Variants in FLI1 observed in about 807,000 individuals in gnomAD.
The protein encoded by FLI1 is Friend leukemia integration 1 transcription factor.
A neutral mutation model predicts 53.1 loss-of-function variants in FLI1; 13 were observed. The ratio of observed to expected loss-of-function variants is 0.24; its 90% CI spans 0.16 to 0.39. The LOEUF is 0.39. FLI1 is among the 10% of genes least tolerant of loss of function. The pLI is 1.00. For synonymous variants in FLI1, 244 were observed against 236.7 expected, an observed-to-expected ratio of 1.03 and a Z score of -0.28; for missense variants, 424 against 600.5, an observed-to-expected ratio of 0.71 and a Z score of 3.07.
At chr11:128,780,927 G>A (rs765533755) in intron 4 of FLI1, among the ~76,000 whole-genome samples, 2 of 152,194 alleles carry the variant, frequency 1.3e-5, no homozygotes, top group Non-Finnish European at 2.9e-5. Context: ...ATTTCCTTAG[G>A]AGAATCTCAA....
intron 1 of FLI1, chr11:128,686,859 A>G (rs976359266): frequency 1.5e-5 from 3 of 206,628 alleles, no homozygotes; most frequent in African/African-American, 4.6e-5. Flanking sequence ...TCCTGGCCAG[A>G]TGAGAGTGGC....
chr11:128,688,270 G>A (rs1271083189), intron 1 of FLI1, among the ~76,000 whole-genome samples: 2 of 152,240 alleles, frequency 1.3e-5, no homozygotes, highest in Non-Finnish European at 2.9e-5. Context: ...GGGACAAAGC[G>A]GAGGCGAGGA....
At chr11:128,743,107 T>C (rs1024603908) in intron 1 of FLI1, among the ~76,000 whole-genome samples, 1 of 152,060 alleles carries the variant, frequency 6.6e-6, no homozygotes, top group African/African-American at 2.4e-5. Flanking sequence ...CTGGGAGCCA[T>C]CTGGACATGG....
intron 1 of FLI1, among the ~76,000 whole-genome samples, chr11:128,739,106 C>T (rs1940023840): frequency 6.6e-6 from 1 of 152,100 alleles, no homozygotes; most frequent in African/African-American, 2.4e-5. Context: ...CCTGCAAACT[C>T]ACTCTCTGGA....
intron 5 of FLI1, among the ~76,000 whole-genome samples, chr11:128,791,807 C>A (rs1176515989): frequency 1.3e-5 from 2 of 152,192 alleles, no homozygotes; most frequent in Admixed American, 1.3e-4. Flanking sequence ...GAGCAGATTT[C>A]AATCACAAGA....
At chr11:128,729,438 C>G (rs1939608171) in intron 1 of FLI1, among the ~76,000 whole-genome samples, 1 of 152,224 alleles carries the variant, frequency 6.6e-6, no homozygotes, top group South Asian at 2.1e-4. Context: ...GCCTCTGCCA[C>G]TGTGTGTTCA....
chr11:128,693,980 GAGAGAGAGA>G, upstream of FLI1: 1 of 312,864 alleles, frequency 3.2e-6, no homozygotes, highest in Non-Finnish European at 5.9e-6. Context: ...GAGAGAGAGA[GAGAGAGAGA>G]GAGATAGGAC....
At chr11:128,698,787 G>C (rs1565454691) in intron 1 of FLI1, among the ~76,000 whole-genome samples, 2 of 150,152 alleles carry the variant, frequency 1.3e-5, no homozygotes, top group African/African-American at 4.9e-5. Context: ...AAAGAATTTG[G>C]CACTTTACAC....
chr11:128,734,304 C>T (rs186743116), intron 1 of FLI1, among the ~76,000 whole-genome samples: 111 of 152,346 alleles, frequency 7.3e-4, no homozygotes, highest in Admixed American at 2.2e-3. Context: ...GAACGTGCCT[C>T]ATCTGATCTT....
At chr11:128,754,240 T>C (rs1460077658) in intron 1 of FLI1, among the ~76,000 whole-genome samples, 1 of 49,838 alleles carries the variant, frequency 2.0e-5, no homozygotes, top group Non-Finnish European at 4.2e-5. Context: ...GGGGGATGTG[T>C]GTGTGTGTGT....
At chr11:128,719,271 G>T (rs1332252839) in intron 1 of FLI1, among the ~76,000 whole-genome samples, 2 of 128,138 alleles carry the variant, frequency 1.6e-5, no homozygotes, top group African/African-American at 5.5e-5. Flanking sequence ...TTCCTCATCA[G>T]TTAGATTAAA....
At chr11:128,795,603 AG>A (rs1369345024) in intron 5 of FLI1, among the ~76,000 whole-genome samples, 5 of 132,388 alleles carry the variant, frequency 3.8e-5, no homozygotes, top group African/African-American at 1.5e-4. Context: ...CCTCTCGCCC[AG>A]GCTGGAGTTC....
In FLI1 at chr11:128,768,247, C is replaced by T. The variant is rs370809611; in HGVS notation, c.360C>T (p.Asn120=). 1.1e-4 allele frequency: 171 copies of T among 1,613,908 alleles called. No homozygotes were observed. The highest frequency in any genetic ancestry group is 8.2e-4 in the Middle Eastern group (5 of 6,062). ...NGPPPPNMTT[N]ERRVIVPADP... is the part of the protein sequence containing the mutation. ...CCCCTCCTCCCAACATGACCACCAA[C>T]GAGAGGAGAGTCATCGTCCCCGCAG... The change falls in exon 3 of 9, where the codon AAC becomes AAT. Residue 120 remains asparagine (N), a synonymous_variant. Coordinates refer to ENST00000527786, the MANE Select transcript of FLI1 (RefSeq NM_002017.5).
intron 5 of FLI1, among the ~76,000 whole-genome samples, chr11:128,801,938 A>G (rs1182582209): frequency 6.6e-6 from 1 of 152,214 alleles, no homozygotes; most frequent in Non-Finnish European, 1.5e-5. Context: ...ATTATGTGAT[A>G]AGTGAAAATG....
At chr11:128,791,347 C>A (rs1411619018) in intron 5 of FLI1, among the ~76,000 whole-genome samples, 1 of 152,060 alleles carries the variant, frequency 6.6e-6, no homozygotes, top group African/African-American at 2.4e-5. Flanking sequence ...CGTCTCAGTC[C>A]CCACCCCCAG....
At chr11:128,708,700 C>G (rs1461822782) in intron 1 of FLI1, among the ~76,000 whole-genome samples, 1 of 152,176 alleles carries the variant, frequency 6.6e-6, no homozygotes, top group African/African-American at 2.4e-5. Context: ...AATTACTACA[C>G]TTTGACTAAC....
At chr11:128,712,581 G>A (rs1431712047) in intron 1 of FLI1, among the ~76,000 whole-genome samples, 1 of 152,154 alleles carries the variant, frequency 6.6e-6, no homozygotes, top group Non-Finnish European at 1.5e-5. Context: ...CACAATCATG[G>A]CGGAAGGCAA....
At chr11:128,779,852 C>A (rs686486) in intron 4 of FLI1, among the ~76,000 whole-genome samples, 101 of 152,256 alleles carry the variant, frequency 6.6e-4, no homozygotes, top group African/African-American at 2.3e-3. Flanking sequence ...TACACAAACC[C>A]ACATAGCATA....
chr11:128,776,632 TAG>T (rs1456558710), intron 4 of FLI1, among the ~76,000 whole-genome samples: 1 of 152,184 alleles, frequency 6.6e-6, no homozygotes, highest in African/African-American at 2.4e-5. Flanking sequence ...GCCTGGGCGA[TAG>T]ACCGAGGCTC....
Sources: gnomAD v4.1 joint callset for allele counts (sites outside exome capture counted in the v4.1 genomes callset) on GRCh38, gnomAD v4.1.1 for gene constraint, MANE v1.5 for transcripts, NCBI Gene and HGNC (gene_info 2026-07-23, HGNC 2026-07-21) for gene names.